Variants in GAS7 observed in about 807,000 individuals in gnomAD.
GAS7 encodes growth arrest-specific protein 7.
In GAS7, 28 loss-of-function variants were observed where a neutral mutation model predicts 71.1. That is an observed-to-expected ratio of 0.39 (90% CI 0.29 to 0.54). The LOEUF (loss-of-function observed/expected upper bound fraction) is 0.54, where lower values mean the gene tolerates loss of function less well. Among genes scored for constraint, GAS7 ranks in the 20% least tolerant of loss-of-function variants. The pLI is 0.62. For synonymous variants in GAS7, 258 were observed against 245.8 expected, an observed-to-expected ratio of 1.05 and a Z score of -0.46; for missense variants, 436 against 627.8, an observed-to-expected ratio of 0.69 and a Z score of 3.27.
At chr17:10,150,347 C>T (rs943527278) in intron 1 of GAS7, among the ~76,000 whole-genome samples, 3 of 151,870 alleles carry the variant, frequency 2.0e-5, no homozygotes, top group African/African-American at 7.3e-5. Flanking sequence ...TCCGCCCATT[C>T]CCCTTTGACT....
intron 6 of GAS7, among the ~76,000 whole-genome samples, chr17:9,946,168 T>A (rs1597506218): frequency 6.6e-6 from 1 of 152,208 alleles, no homozygotes; most frequent in Non-Finnish European, 1.5e-5. Context: ...AAAGTCACTA[T>A]GACTTTAACA....
chr17:9,912,655 C>CA lies in GAS7; in HGVS notation c.*4572dup, dbSNP rs2067469456. ...CATCCCTGGATTCTTTCTGCACTAC[C>CA]AAAAACCCACCACGCGCCAAAAGGC... On this transcript the variant is annotated 3_prime_UTR_variant, in exon 14 of 14. Coordinates refer to ENST00000432992, the MANE Select transcript of GAS7 (RefSeq NM_201433.2). 1.3e-5 allele frequency: 3 copies of CA among 232,652 alleles called. No individual in the cohort carries two copies. In the East Asian group the frequency reaches 1.8e-4, roughly 14 times the overall value. The allele number at this position is 232,652 out of a possible 1,614,324, so 14.4% of individuals were successfully genotyped here. A position where few individuals can be genotyped will look rare whatever the true frequency, so the allele number is the denominator to read the frequency against.
intron 1 of GAS7, among the ~76,000 whole-genome samples, chr17:10,021,990 T>C (rs901985504): frequency 7.2e-5 from 11 of 152,062 alleles, no homozygotes; most frequent in African/African-American, 2.7e-4. Flanking sequence ...AGGTGCAATG[T>C]CTCACGCTTG....
At chr17:10,088,311 G>A (rs1253847302) in intron 1 of GAS7, among the ~76,000 whole-genome samples, 1 of 151,850 alleles carries the variant, frequency 6.6e-6, no homozygotes, top group African/African-American at 2.4e-5. Context: ...TCTGTTAGGG[G>A]TACCACTGGG....
chr17:10,051,100 C>T (rs924527701), intron 1 of GAS7, among the ~76,000 whole-genome samples: 2 of 152,226 alleles, frequency 1.3e-5, no homozygotes, highest in Admixed American at 1.3e-4. Context: ...CTGGCCAAGG[C>T]ACTTCACCTC....
At chr17:9,954,515 C>A (rs992212692) in intron 5 of GAS7, among the ~76,000 whole-genome samples, 20 of 151,916 alleles carry the variant, frequency 1.3e-4, no homozygotes, top group Admixed American at 9.2e-4. Context: ...CTGGGAGCAG[C>A]ATAGTCAAGA....
intron 1 of GAS7, among the ~76,000 whole-genome samples, chr17:10,155,178 C>G (rs56357803): frequency 6.6e-6 from 1 of 151,902 alleles, no homozygotes; most frequent in East Asian, 1.9e-4. Context: ...ACACACCCAG[C>G]TAATTTTTTG....
chr17:10,087,348 G>C (rs149498250), intron 1 of GAS7, among the ~76,000 whole-genome samples: 1 of 152,340 alleles, frequency 6.6e-6, no homozygotes, highest in African/African-American at 2.4e-5. Context: ...CACCAACTCA[G>C]TAGCTCTTAT....
At chr17:9,990,167 G>A (rs1298115220) in intron 2 of GAS7, among the ~76,000 whole-genome samples, 1 of 152,206 alleles carries the variant, frequency 6.6e-6, no homozygotes, top group African/African-American at 2.4e-5. Context: ...TCCTGGGGAG[G>A]CTGAGGCAGG....
chr17:9,934,596 A>C (rs1185996336), intron 8 of GAS7, among the ~76,000 whole-genome samples: 7 of 152,178 alleles, frequency 4.6e-5, no homozygotes, highest in Non-Finnish European at 4.4e-5. Flanking sequence ...AGCTGCAGTG[A>C]GGGCCTTGAC....
chr17:9,918,283 C>T (rs1306924932), intron 12 of GAS7, among the ~76,000 whole-genome samples, 184 bp from the exon 13 acceptor site: 1 of 68,744 alleles, frequency 1.5e-5, no homozygotes, highest in Non-Finnish European at 2.7e-5. Flanking sequence ...GCAGCAGCGG[C>T]TGTTTTACTT....
At chr17:10,109,140 T>TAAATAA (rs1379435084) in intron 1 of GAS7, among the ~76,000 whole-genome samples, 1 of 151,562 alleles carries the variant, frequency 6.6e-6, no homozygotes, top group Non-Finnish European at 1.5e-5. Flanking sequence ...AAAATAAAAA[T>TAAATAA]AAATAAAAAT....
intron 1 of GAS7, among the ~76,000 whole-genome samples, chr17:10,107,973 C>T (rs1409721758): frequency 6.6e-6 from 1 of 152,088 alleles, no homozygotes; most frequent in African/African-American, 2.4e-5. Context: ...AGGAGAACCA[C>T]CTTACACACA....
At chr17:9,944,985 A>T (rs1263302839) in intron 6 of GAS7, among the ~76,000 whole-genome samples, 1 of 152,138 alleles carries the variant, frequency 6.6e-6, no homozygotes, top group Non-Finnish European at 1.5e-5. Flanking sequence ...TTGCAGATTA[A>T]GTATCAGAGT....
chr17:10,165,937 C>T (rs979757749), intron 1 of GAS7, among the ~76,000 whole-genome samples: 12 of 152,124 alleles, frequency 7.9e-5, no homozygotes, highest in African/African-American at 2.9e-4. Flanking sequence ...TCATTCTGTC[C>T]TTGGTCGGCC....
intron 5 of GAS7, among the ~76,000 whole-genome samples, chr17:9,953,309 A>AC (rs2069095867): frequency 6.6e-6 from 1 of 152,104 alleles, no homozygotes; most frequent in Non-Finnish European, 1.5e-5. Flanking sequence ...AGGACTCATC[A>AC]CCCTGCTGCT....
At chr17:10,145,253 T>C (rs1304733004) in intron 1 of GAS7, among the ~76,000 whole-genome samples, 2 of 152,250 alleles carry the variant, frequency 1.3e-5, no homozygotes, top group East Asian at 1.9e-4. Context: ...AATGCTCAAG[T>C]GCACATCAAA....
intron 1 of GAS7, among the ~76,000 whole-genome samples, chr17:10,159,419 T>C (rs958203855): frequency 7.9e-5 from 12 of 151,958 alleles, no homozygotes; most frequent in Non-Finnish European, 1.3e-4. Flanking sequence ...AAGAGTAGGA[T>C]AAATAATTGA....
intron 1 of GAS7, among the ~76,000 whole-genome samples, chr17:10,159,509 CA>C (rs1390781772): frequency 2.6e-5 from 4 of 152,072 alleles, no homozygotes; most frequent in Non-Finnish European, 5.9e-5. Context: ...GTGAATCTCA[CA>C]AACAAGGTGT....
Sources: allele counts gnomAD v4.1 joint callset (sites outside exome capture counted in the v4.1 genomes callset), GRCh38; gene constraint gnomAD v4.1.1; transcripts MANE v1.5; gene names NCBI Gene and HGNC (gene_info 2026-07-23, HGNC 2026-07-21).